The following ALK variants were observed in gnomAD, a reference collection of about 807,000 sequenced individuals.
ALK encodes the protein ALK receptor tyrosine kinase.
Under a neutral mutation model 163.1 loss-of-function variants are expected in ALK, and 74 were observed. The ratio of observed to expected loss-of-function variants is 0.45; its 90% CI spans 0.38 to 0.55. The LOEUF (loss-of-function observed/expected upper bound fraction) is 0.55. ALK is among the 20% of genes least tolerant of loss of function. The pLI, the probability that ALK is intolerant of heterozygous loss-of-function variation, is 0.00. For missense variants in ALK, 2,063 were observed against 2,105.3 expected (o/e 0.98, Z 0.39); for synonymous variants, 960 against 843.2 (o/e 1.14, Z -2.40).
chr2:29,884,187 G>C lies in ALK; in HGVS notation c.667+35806C>G, dbSNP rs182514765. ...AAAATCTTCATGTTAAAAAAAACAT[G>C]AGTAGTTTTCTCTCCAGTAAATTTC... On this transcript the variant is annotated intron_variant, in intron 1 of 28. Coordinates refer to ENST00000389048, the MANE Select transcript of ALK (RefSeq NM_004304.5). Among the ~76,000 whole-genome samples, 782 of 152,236 alleles carry C rather than the reference G, an allele frequency of 5.1e-3. 3 individuals are homozygous for C. The highest frequency in any genetic ancestry group is 0.017 in the Middle Eastern group (5 of 294).
At chr2:29,576,396 C>T (rs1198918413) in intron 3 of ALK, among the ~76,000 whole-genome samples, 1 of 152,234 alleles carries the variant, frequency 6.6e-6, no homozygotes, top group Non-Finnish European at 1.5e-5. Flanking sequence ...TACCACCATG[C>T]ACACTGCCTT....
chr2:29,857,434 T>C (rs774634820), intron 1 of ALK, among the ~76,000 whole-genome samples: 6 of 152,144 alleles, frequency 3.9e-5, no homozygotes, highest in Non-Finnish European at 1.5e-5. Flanking sequence ...ACCAATGAGA[T>C]GATCCAGCTT....
At chr2:29,642,883 T>A (rs143460422) in intron 3 of ALK, among the ~76,000 whole-genome samples, 1 of 152,340 alleles carries the variant, frequency 6.6e-6, no homozygotes. Context: ...AACTATCATT[T>A]AGTCATTTAT....
At chr2:29,812,604 G>A (rs909395133) in intron 1 of ALK, among the ~76,000 whole-genome samples, 1 of 152,108 alleles carries the variant, frequency 6.6e-6, no homozygotes. Flanking sequence ...AACTCCATTT[G>A]CCTTTTACCA....
At chr2:29,511,417 T>C (rs1337582415) in intron 4 of ALK, among the ~76,000 whole-genome samples, 1 of 152,228 alleles carries the variant, frequency 6.6e-6, no homozygotes, top group African/African-American at 2.4e-5. Context: ...GCCTGGCTTC[T>C]TTCTCTTAGC....
chr2:29,431,271 T>C (rs1670265938), intron 4 of ALK, among the ~76,000 whole-genome samples: 2 of 152,302 alleles, frequency 1.3e-5, no homozygotes, highest in South Asian at 4.1e-4. Context: ...TCTCAGGTTG[T>C]ATCTCCCAAG....
At chr2:29,552,805 G>A (rs62131122) in intron 3 of ALK, among the ~76,000 whole-genome samples, 65,367 of 151,908 alleles carry the variant, frequency 0.43, 14,230 homozygotes, top group South Asian at 0.59. Context: ...CCCTGCTTCC[G>A]TATCTCAATC....
At position 29,246,421 on chromosome 2, in the gene ALK, A is replaced by G. The variant is rs1664671380; in HGVS notation, c.2204+4684T>C. Among the ~76,000 whole-genome samples the G allele has an allele frequency of 6.6e-6, 1 of 152,048 alleles. No homozygotes were observed. Among genetic ancestry groups the G allele is most frequent in the Non-Finnish European group, 1.5e-5 (1 of 67,988 alleles). On this transcript the variant is annotated intron_variant, in intron 12 of 28. Transcript: ENST00000389048. The surrounding 1 kb of genome is among the most constrained non-coding windows in gnomAD (Gnocchi z 4.3). ...TGTCCCCCTCCCCAGCACAAACCCC[A>G]TAATCCACGTTCTTCTCATGGCACT...
At chr2:29,377,602 A>C (rs1573297163) in intron 5 of ALK, among the ~76,000 whole-genome samples, 1 of 152,154 alleles carries the variant, frequency 6.6e-6, no homozygotes, top group East Asian at 1.9e-4. Context: ...GGCGCCCCCA[A>C]AGACAGCTGT....
intron 1 of ALK, among the ~76,000 whole-genome samples, chr2:29,731,541 G>A (rs960300337): frequency 6.6e-6 from 1 of 152,276 alleles, no homozygotes; most frequent in African/African-American, 2.4e-5. Context: ...GGGCAGCATC[G>A]GGACAGGATG....
At chr2:29,820,392 C>T (rs13016793) in intron 1 of ALK, among the ~76,000 whole-genome samples, 1 of 151,992 alleles carries the variant, frequency 6.6e-6, no homozygotes, top group Non-Finnish European at 1.5e-5. Context: ...TCAGAAAAGA[C>T]CCTGAGCCAG....
At chr2:29,814,854 G>A (rs912626134) in intron 1 of ALK, among the ~76,000 whole-genome samples, 3 of 151,312 alleles carry the variant, frequency 2.0e-5, no homozygotes, top group African/African-American at 7.3e-5. Flanking sequence ...CAATTTAAAT[G>A]TACTTACAGT....
At chr2:29,419,366 T>TC (rs1210427419) in intron 4 of ALK, among the ~76,000 whole-genome samples, 1 of 151,472 alleles carries the variant, frequency 6.6e-6, no homozygotes, top group Non-Finnish European at 1.5e-5. Context: ...GATGGTCATT[T>TC]CCCCATGTGC....
rs148226185 is a variant in ALK at position 29,627,618 on chromosome 2, G to A, written c.952+67232C>T. 7.1e-3 allele frequency among the ~76,000 whole-genome samples: 1,077 copies of A among 152,328 alleles called. 12 individuals are homozygous for A. The highest frequency in any genetic ancestry group is 0.046 in the South Asian group (224 of 4,828). On this transcript the variant is annotated intron_variant, in intron 3 of 28. Transcript: ENST00000389048. ...AGGAGACAGGAATGAGGAGGCGTGA[G>A]TCATGTCTTGTTTGTTACAACAGGA...
chr2:29,239,599 G>T, intron 13 of ALK, 81 bp downstream of exon 13: 1 of 1,516,970 alleles, frequency 6.6e-7, no homozygotes, highest in Non-Finnish European at 9.1e-7. Context: ...CAGGAGGAGG[G>T]TGTTGAGTGT....
chr2:29,265,342 C>T (rs1226241978), intron 11 of ALK, among the ~76,000 whole-genome samples: 4 of 152,160 alleles, frequency 2.6e-5, no homozygotes, highest in Admixed American at 1.3e-4. Flanking sequence ...TAAGAAAACA[C>T]GTGAGTCCTA....
At chr2:29,224,321 C>A (rs369041381) in intron 19 of ALK, among the ~76,000 whole-genome samples, 17 of 152,162 alleles carry the variant, frequency 1.1e-4, no homozygotes, top group Admixed American at 4.6e-4. Flanking sequence ...GGTCACAGGA[C>A]CTCTTTGGAC....
intron 3 of ALK, among the ~76,000 whole-genome samples, chr2:29,583,708 T>C (rs1047385008): frequency 6.6e-6 from 1 of 152,114 alleles, no homozygotes; most frequent in African/African-American, 2.4e-5. Context: ...ATTTGTCCCA[T>C]CTCTTGCAGT....
Position 29,220,760 on chromosome 2 carries a change from C to T in ALK, c.3591G>A (p.Glu1197=), listed in dbSNP as rs754966084. 13 of 1,614,046 alleles carry T rather than the reference C, an allele frequency of 8.1e-6. No homozygotes were observed. The highest frequency in any genetic ancestry group is 3.3e-4 in the Middle Eastern group (2 of 6,058). Residue 1197 remains glutamate, a synonymous_variant, in exon 23 of 29, where the codon GAG becomes GAA. Transcript: ENST00000389048. The part of the protein sequence containing the change: ...LQSLPRFILL[E]LMAGGDLKSF... ...ACTTGAGGTCTCCCCCCGCCATGAG[C>T]TCCAGCAGGATGAACCGGGGCAGGG...
Sources: gnomAD v4.1 joint callset for allele counts (sites outside exome capture counted in the v4.1 genomes callset) on GRCh38, gnomAD v4.1.1 for gene constraint, Gnocchi (gnomAD v3.1) non-coding constraint, MANE v1.5 for transcripts, NCBI Gene and HGNC (gene_info 2026-07-23, HGNC 2026-07-21) for gene names.